Variants in BRINP2 observed in about 807,000 individuals in gnomAD.
BRINP2 encodes BMP/retinoic acid-inducible neural-specific protein 2.
In BRINP2, 21 loss-of-function variants were observed where a neutral mutation model predicts 69.2. That is an observed-to-expected ratio of 0.30 (90% CI 0.22 to 0.44). The LOEUF (loss-of-function observed/expected upper bound fraction) is 0.44. BRINP2 is among the 20% of genes least tolerant of loss of function. BRINP2 has a pLI of 1.00. For synonymous variants in BRINP2, 380 were observed against 394.1 expected, an observed-to-expected ratio of 0.96 and a Z score of 0.42; for missense variants, 877 against 986.0, an observed-to-expected ratio of 0.89 and a Z score of 1.48.
chr1:177,235,115 C>T (rs1649978467), intron 2 of BRINP2, among the ~76,000 whole-genome samples: 1 of 152,182 alleles, frequency 6.6e-6, no homozygotes, highest in African/African-American at 2.4e-5. Flanking sequence ...CTTTGGACCC[C>T]CAGCATTAGC....
In BRINP2 at chr1:177,280,759, A is replaced by G. The variant is rs779985104; in HGVS notation, c.1583A>G (p.His528Arg). 2 of 1,614,076 alleles carry G rather than the reference A, an allele frequency of 1.2e-6. No individual in the cohort carries two copies. Among genetic ancestry groups the G allele is most frequent in the Admixed American group, 3.3e-5 (2 of 60,010 alleles). Reference protein sequence around the residue: ...LQKQDSRIEVHSIFISNDMRL... With the variant: ...LQKQDSRIEVRSIFISNDMRL... ...AAGCAGGATAGCCGCATTGAGGTAC[A>G]CTCCATCTTCATCAGCAATGACATG... is the stretch of plus-strand genomic sequence containing the variant. The change falls in exon 8 of 8, where the codon CAC becomes CGC. Residue 528 changes from histidine to arginine, a missense_variant. Physicochemically the swap from His to Arg is conservative, Grantham distance 29. This residue lies in a region of BRINP2 where 86 missense variants were observed against 142.1 expected (regional missense o/e 0.61). Transcript: ENST00000361539.
At chr1:177,241,397 A>G (rs779351782) in intron 2 of BRINP2, among the ~76,000 whole-genome samples, 16 of 152,194 alleles carry the variant, frequency 1.1e-4, no homozygotes, top group Non-Finnish European at 1.5e-4. Flanking sequence ...TTTCTCTAGA[A>G]TAAGTCTAAC....
chr1:177,228,366 A>T (rs186103557), intron 1 of BRINP2, among the ~76,000 whole-genome samples: 5 of 152,220 alleles, frequency 3.3e-5, no homozygotes, highest in Admixed American at 6.5e-5. Flanking sequence ...TCCAGAATTA[A>T]TGTTTGTTTC....
intron 2 of BRINP2, among the ~76,000 whole-genome samples, chr1:177,246,789 G>A (rs957240301): frequency 5.9e-5 from 9 of 152,262 alleles, no homozygotes; most frequent in South Asian, 2.1e-4. Flanking sequence ...TTTTATTATC[G>A]TTTCGTTTTA....
chr1:177,195,592 T>C (rs1444106715), intron 1 of BRINP2, among the ~76,000 whole-genome samples: 1 of 151,588 alleles, frequency 6.6e-6, no homozygotes, highest in East Asian at 1.9e-4. Context: ...ACTGATTTTA[T>C]GGCTTTAGGC....
chr1:177,262,959 A>C (rs1049906468), intron 4 of BRINP2, among the ~76,000 whole-genome samples: 1 of 152,180 alleles, frequency 6.6e-6, no homozygotes. Context: ...TTAGCAGTTC[A>C]TGTATAGGTA....
intron 1 of BRINP2, among the ~76,000 whole-genome samples, chr1:177,224,193 T>G (rs1649626805): frequency 6.6e-6 from 1 of 152,250 alleles, no homozygotes; most frequent in Non-Finnish European, 1.5e-5. Flanking sequence ...TCTGTGATTT[T>G]TTTTTTAACA....
chr1:177,209,823 G>GA (rs1167637762), intron 1 of BRINP2, among the ~76,000 whole-genome samples: 1 of 152,040 alleles, frequency 6.6e-6, no homozygotes. Flanking sequence ...TTTTTAGTTA[G>GA]AAAAAGAGCT....
rs189352043 is a variant in BRINP2, at chr1:177,233,852, C to G, written c.269+3707C>G. ...CTCCAGTGGCCGGTGACTGCAGGCT[C>G]CTTTGTTCCAGGGATGAAAAGCATA... On this transcript the variant is annotated intron_variant, in intron 2 of 7. Transcript: ENST00000361539. Among the ~76,000 whole-genome samples, 317 of 152,274 alleles carry G rather than the reference C, an allele frequency of 2.1e-3. 2 individuals are homozygous for G. The highest frequency in any genetic ancestry group is 7.1e-3 in the African/African-American group (295 of 41,552).
At chr1:177,186,373 G>C (rs1048079063) in intron 1 of BRINP2, among the ~76,000 whole-genome samples, 4 of 152,074 alleles carry the variant, frequency 2.6e-5, no homozygotes. Flanking sequence ...TGTTAGGTTA[G>C]TGCAAAAGTA....
In BRINP2 at chr1:177,281,698, C is replaced by T; in HGVS notation, c.*170C>T. 1.2e-6 allele frequency: 1 copy of T among 814,462 alleles called. No homozygotes were observed. The highest frequency in any genetic ancestry group is 2.6e-5 in the East Asian group (1 of 38,416). 50.5% of individuals were successfully genotyped at this position (814,462 alleles called of 1,614,324 possible). A position where few individuals can be genotyped will look rare whatever the true frequency, so the allele number is the denominator to read the frequency against. The stretch of plus-strand genomic sequence containing the variant: ...GAAGCAGGCGAGAGAGAAACAGCTA[C>T]TGCGTGCGTGCGCGCACGCATACAC... On this transcript the variant is annotated 3_prime_UTR_variant, in exon 8 of 8. Coordinates refer to ENST00000361539, the MANE Select transcript of BRINP2 (RefSeq NM_021165.4).
intron 4 of BRINP2, among the ~76,000 whole-genome samples, chr1:177,270,974 A>G (rs1461935230): frequency 4.6e-5 from 7 of 152,162 alleles, no homozygotes; most frequent in African/African-American, 1.2e-4. Flanking sequence ...CACTCACCCA[A>G]TAAAGAAACA....
intron 2 of BRINP2, among the ~76,000 whole-genome samples, chr1:177,247,031 C>G (rs1022836794): frequency 6.6e-6 from 1 of 152,222 alleles, no homozygotes; most frequent in Non-Finnish European, 1.5e-5. Context: ...ACTGGCATCA[C>G]TCAGTGTACA....
rs1239829778 is a variant in BRINP2 at position 177,171,086 on chromosome 1, G to A, written c.-723G>A. On this transcript the variant is annotated 5_prime_UTR_variant, in exon 1 of 8. The change abolishes the stop of an existing upstream ORF in the 5' untranslated region. Coordinates refer to ENST00000361539, the MANE Select transcript of BRINP2 (RefSeq NM_021165.4). ...CCGCTGCGCTGGCAGCGCTTACGCT[G>A]AGCTCGGAGGATCCCATTAGGACTT... Among the ~76,000 whole-genome samples the A allele has an allele frequency of 6.6e-6, 1 of 152,226 alleles. No homozygotes were observed. The highest frequency in any genetic ancestry group is 1.5e-5 in the Non-Finnish European group (1 of 68,028).
At chr1:177,252,470 A>T (rs1650613325) in intron 2 of BRINP2, among the ~76,000 whole-genome samples, 1 of 152,146 alleles carries the variant, frequency 6.6e-6, no homozygotes, top group Admixed American at 6.5e-5. Flanking sequence ...TATCCGGCAC[A>T]ACAGTGTATT....
At chr1:177,279,437 T>G (rs1393352896) in intron 7 of BRINP2, among the ~76,000 whole-genome samples, 1 of 152,204 alleles carries the variant, frequency 6.6e-6, no homozygotes, top group East Asian at 1.9e-4. Context: ...GATAGTCTCC[T>G]AGAGGTAAAA....
intron 7 of BRINP2, among the ~76,000 whole-genome samples, chr1:177,279,065 T>C (rs537634304): frequency 6.6e-6 from 1 of 152,342 alleles, no homozygotes; most frequent in East Asian, 1.9e-4. Flanking sequence ...GATTTCCATT[T>C]TAATAAGTCT....
intron 1 of BRINP2, among the ~76,000 whole-genome samples, chr1:177,217,462 G>C (rs1267071530): frequency 1.3e-5 from 2 of 152,022 alleles, no homozygotes; most frequent in Admixed American, 1.3e-4. Flanking sequence ...ATTTTTAAGA[G>C]GATTATTCTG....
chr1:177,231,736 C>G (rs537972901), intron 2 of BRINP2, among the ~76,000 whole-genome samples: 54 of 152,300 alleles, frequency 3.5e-4, no homozygotes, highest in African/African-American at 1.3e-3. Context: ...TGACTCTGGC[C>G]CTTGCCATCT....
Sources: gnomAD v4.1 joint callset for allele counts (sites outside exome capture counted in the v4.1 genomes callset) on GRCh38, gnomAD v4.1.1 for gene constraint, gnomAD v4.1.1 regional missense constraint, MANE v1.5 for transcripts, NCBI Gene and HGNC (gene_info 2026-07-23, HGNC 2026-07-21) for gene names.